The following RAB21 variants were observed in gnomAD, a reference collection of about 807,000 sequenced individuals.
RAB21 encodes the protein ras-related protein Rab-21.
In RAB21, 13 loss-of-function variants were observed where a neutral mutation model predicts 33.1. The observed-to-expected ratio is 0.39, with a 90% CI of 0.26 to 0.62. The LOEUF is 0.62. Among genes scored for constraint, RAB21 ranks in the 20% least tolerant of loss-of-function variants. The pLI is 0.48. For missense variants in RAB21, 234 were observed against 279.1 expected (o/e 0.84, Z 1.15); for synonymous variants, 91 against 103.7 (o/e 0.88, Z 0.74).
In RAB21 at chr12:71,757,612, C is replaced by T. The variant is rs549910821; in HGVS notation, c.159+2324C>T. On this transcript the variant is annotated intron_variant, in intron 1 of 6. Transcript: ENST00000261263. ...TTTGTTGTACACCAATGTATGTAAA[C>T]AGCAATGTGTCTAATCTCTTTCAGA... is the stretch of plus-strand genomic sequence containing the variant. 2.6e-5 allele frequency among the ~76,000 whole-genome samples: 4 copies of T among 152,292 alleles called. No homozygotes were observed. In the East Asian group the frequency reaches 7.7e-4, roughly 29 times the overall value.
At chr12:71,772,778 C>T (rs1436205908) in intron 3 of RAB21, among the ~76,000 whole-genome samples, 2 of 152,070 alleles carry the variant, frequency 1.3e-5, no homozygotes, top group African/African-American at 4.8e-5. Flanking sequence ...AAACTTTGTA[C>T]ATATATGTGA....
chr12:71,772,895 C>T (rs1346287666), intron 3 of RAB21, among the ~76,000 whole-genome samples: 1 of 152,042 alleles, frequency 6.6e-6, no homozygotes, highest in Non-Finnish European at 1.5e-5. Context: ...TTTTGGGTTG[C>T]CAAAGATAGT....
rs1198637646 is a variant in RAB21, at chr12:71,794,823, G to A, written c.*9150G>A. 1 of 149,548 alleles carries A rather than the reference G, an allele frequency of 6.7e-6. No individual in the cohort carries two copies. The highest frequency in any genetic ancestry group is 6.7e-5 in the Admixed American group (1 of 14,938). 9.3% of individuals were successfully genotyped at this position (149,548 alleles called of 1,614,324 possible). On this transcript the variant is annotated 3_prime_UTR_variant, in exon 7 of 7. Coordinates refer to ENST00000261263, the MANE Select transcript of RAB21 (RefSeq NM_014999.4). ...ATGGTAGTGAGCCCCTGTAATCCCA[G>A]CTACTTGGGAGGCTGAGGCAGGAGA...
chr12:71,788,504 A>G lies in RAB21; in HGVS notation c.*2831A>G, dbSNP rs974979215. 6.6e-6 allele frequency: 1 copy of G among 152,166 alleles called. No individual in the cohort carries two copies. Among genetic ancestry groups the G allele is most frequent in the African/African-American group, 2.4e-5 (1 of 41,440 alleles). The allele number at this position is 152,166 out of a possible 1,614,324, so 9.4% of individuals were successfully genotyped here. A position where few individuals can be genotyped will look rare whatever the true frequency, so the allele number is the denominator to read the frequency against. ...AGAGGACCAGTCAACTTCAGTATAT[A>G]TACAAAGGAAAGACAAAGAGATGAT... On this transcript the variant is annotated 3_prime_UTR_variant, in exon 7 of 7. Transcript: ENST00000261263.
At chr12:71,772,766 G>A (rs1052311323) in intron 3 of RAB21, among the ~76,000 whole-genome samples, 3 of 152,120 alleles carry the variant, frequency 2.0e-5, no homozygotes, top group African/African-American at 7.2e-5. Flanking sequence ...TAAATGCTTT[G>A]AAAACTTTGT....
chr12:71,777,748 A>G (rs1035235196), intron 4 of RAB21, among the ~76,000 whole-genome samples: 4 of 152,158 alleles, frequency 2.6e-5, no homozygotes, highest in Non-Finnish European at 4.4e-5. Context: ...CCTTCCAGAC[A>G]TTCTGATCAT....
Position 71,754,996 on chromosome 12 carries a change from A to G in RAB21, c.-134A>G. On this transcript the variant is annotated 5_prime_UTR_variant, in exon 1 of 7. Transcript: ENST00000261263. ...CAGCCCTTCCAGGCCTCGCCCGAGG[A>G]GGGCGTGGGGACAGCGCCCGGGTCG... is the stretch of plus-strand genomic sequence containing the variant. 2 of 835,186 alleles carry G rather than the reference A, an allele frequency of 2.4e-6. No individual in the cohort carries two copies. Among genetic ancestry groups the G allele is most frequent in the Non-Finnish European group, 2.9e-6 (2 of 688,944 alleles). 51.7% of individuals were successfully genotyped at this position (835,186 alleles called of 1,614,324 possible). A position where few individuals can be genotyped will look rare whatever the true frequency, so the allele number is the denominator to read the frequency against.
At chr12:71,782,320 T>G in intron 5 of RAB21, 1 of 540,044 alleles carries the variant, frequency 1.9e-6, no homozygotes, top group Non-Finnish European at 3.3e-6. Context: ...CATGATCAAA[T>G]AGGCAGTAAG....
At chr12:71,766,690 C>T (rs529414089) in intron 1 of RAB21, among the ~76,000 whole-genome samples, 1 of 152,028 alleles carries the variant, frequency 6.6e-6, no homozygotes, top group East Asian at 1.9e-4. Flanking sequence ...AATTTGTGTG[C>T]ATTGCGTGCA....
At position 71,791,158 on chromosome 12, in the gene RAB21, T is replaced by A. The variant is rs1883377018; in HGVS notation, c.*5485T>A. The stretch of plus-strand genomic sequence containing the variant: ...CCACCATGCCTGGCTAATTTTTGTA[T>A]TTTTCATTTTTAGTAGAGATGGGAA... On this transcript the variant is annotated 3_prime_UTR_variant, in exon 7 of 7. Coordinates refer to ENST00000261263, the MANE Select transcript of RAB21 (RefSeq NM_014999.4). The A allele has an allele frequency of 6.6e-6, 1 of 152,606 alleles. No individual in the cohort carries two copies. The allele number at this position is 152,606 out of a possible 1,614,324, so 9.5% of individuals were successfully genotyped here. A position where few individuals can be genotyped will look rare whatever the true frequency, so the allele number is the denominator to read the frequency against.
At chr12:71,756,453 C>T (rs1285346415) in intron 1 of RAB21, among the ~76,000 whole-genome samples, 1 of 152,124 alleles carries the variant, frequency 6.6e-6, no homozygotes, top group Non-Finnish European at 1.5e-5. Context: ...TAATAGAATG[C>T]GTAATCTCCT....
At chr12:71,776,311 T>TA (rs1403063877) in intron 4 of RAB21, among the ~76,000 whole-genome samples, 1 of 152,192 alleles carries the variant, frequency 6.6e-6, no homozygotes, top group African/African-American at 2.4e-5. Context: ...TGTTTTTTTT[T>TA]AATGTTCAAT....
intron 1 of RAB21, among the ~76,000 whole-genome samples, chr12:71,756,045 C>T (rs1411504708): frequency 2.6e-5 from 4 of 152,170 alleles, no homozygotes; most frequent in Admixed American, 2.6e-4. Context: ...AGAGTGAAGC[C>T]AGGCCTTTGA....
rs1883029127 is a variant in RAB21, at chr12:71,770,650, A to G, written c.278A>G (p.Asn93Ser). The G allele has an allele frequency of 1.2e-6, 2 of 1,609,196 alleles. No individual in the cohort carries two copies. The highest frequency in any genetic ancestry group is 1.7e-5 in the Admixed American group (1 of 59,780). ...GGTCCAATTTACTACAGAGATTCAA[A>G]TGGAGCGATTTTAGTTTATGACATA... ...ALGPIYYRDS[N>S]GAILVYDITD... The change falls in exon 3 of 7, where the codon AAT becomes AGT. Residue 93 changes from asparagine to serine, a missense_variant. Transcript: ENST00000261263.
intron 4 of RAB21, 153 bp downstream of exon 4, chr12:71,774,175 AGT>A (rs980523762): frequency 4.5e-5 from 20 of 447,048 alleles, no homozygotes; most frequent in African/African-American, 2.9e-4. Context: ...AGCCTGGTGC[AGT>A]GGCTCATGCC....
intron 1 of RAB21, among the ~76,000 whole-genome samples, chr12:71,761,991 TATA>T (rs971158177): frequency 3.9e-5 from 6 of 152,224 alleles, no homozygotes; most frequent in East Asian, 1.9e-4. Flanking sequence ...AGTGATTTAT[TATA>T]ATATCTTCAT....
intron 4 of RAB21, among the ~76,000 whole-genome samples, chr12:71,781,392 C>T (rs937152834): frequency 6.6e-6 from 1 of 151,680 alleles, no homozygotes; most frequent in African/African-American, 2.4e-5. Flanking sequence ...TGGCGTGAAC[C>T]CGGGAGGCGG....
intron 3 of RAB21, among the ~76,000 whole-genome samples, chr12:71,771,094 C>T (rs1406734490): frequency 2.0e-5 from 3 of 152,078 alleles, no homozygotes; most frequent in Admixed American, 6.5e-5. Flanking sequence ...TGTGGCTGGA[C>T]GGGTTCCTTT....
rs1883511581 is a variant in RAB21, at chr12:71,799,611, A to C, written c.*13938A>C. 1 of 152,230 alleles carries C rather than the reference A, an allele frequency of 6.6e-6. No individual in the cohort carries two copies. Among genetic ancestry groups the C allele is most frequent in the Non-Finnish European group, 1.5e-5 (1 of 68,044 alleles). The allele number at this position is 152,230 out of a possible 1,614,324, so 9.4% of individuals were successfully genotyped here. A position where few individuals can be genotyped will look rare whatever the true frequency, so the allele number is the denominator to read the frequency against. ...TCAATTACTATGCATGCATATAATA[A>C]AATTTTAGGTAGCTATAAAAAAGAG... On this transcript the variant is annotated 3_prime_UTR_variant, in exon 7 of 7. Coordinates refer to ENST00000261263, the MANE Select transcript of RAB21 (RefSeq NM_014999.4).
Sources: allele counts gnomAD v4.1 joint callset (sites outside exome capture counted in the v4.1 genomes callset), GRCh38; gene constraint gnomAD v4.1.1; transcripts MANE v1.5; gene names NCBI Gene and HGNC (gene_info 2026-07-23, HGNC 2026-07-21).